The following CRACD variants were observed in gnomAD, a reference collection of about 807,000 sequenced individuals.
CRACD encodes capping protein inhibiting regulator of actin dynamics.
A neutral mutation model predicts 106.8 loss-of-function variants in CRACD; 56 were observed. The observed-to-expected ratio is 0.52, with a 90% confidence interval of 0.42 to 0.66. The LOEUF (loss-of-function observed/expected upper bound fraction) is 0.66. Among genes scored for constraint, CRACD ranks in the 30% least tolerant of loss-of-function variants. The pLI, the probability that CRACD is intolerant of heterozygous loss-of-function variation, is 0.00. For synonymous variants in CRACD, 754 were observed against 670.8 expected, an observed-to-expected ratio of 1.12 and a Z score of -1.92; for missense variants, 1,730 against 1,623.2, an observed-to-expected ratio of 1.07 and a Z score of -1.13.
intron 1 of CRACD, among the ~76,000 whole-genome samples, chr4:56,153,642 T>A (rs1665719294): frequency 1.3e-5 from 2 of 152,214 alleles, no homozygotes; most frequent in African/African-American, 4.8e-5. Flanking sequence ...TAAAATTCTC[T>A]GCAATGCCTT....
intron 2 of CRACD, among the ~76,000 whole-genome samples, chr4:56,258,614 A>G (rs1466254713): frequency 6.6e-6 from 1 of 152,222 alleles, no homozygotes; most frequent in Non-Finnish European, 1.5e-5. Context: ...GGCACCACCC[A>G]AAAGCAATAA....
chr4:56,315,590 G>A lies in CRACD; in HGVS notation c.2088G>A (p.Glu696=). 2 of 1,614,160 alleles carry A rather than the reference G, an allele frequency of 1.2e-6. No individual in the cohort carries two copies. The highest frequency in any genetic ancestry group is 1.7e-6 in the Non-Finnish European group (2 of 1,180,030). The change falls in exon 8 of 11, where the codon GAG becomes GAA. Residue 696 remains glutamate (E), a synonymous_variant. Transcript: ENST00000682029. This position sits in a 1 kb window ranked among gnomAD's most constrained non-coding sequence, Gnocchi z 4.1. The stretch of plus-strand genomic sequence containing the variant: ...GGGACCAGTTGAGGCCCGGTGATGA[G>A]TCCACTCCCAGGGGCCGGTGTGATT... The part of the protein sequence containing the change: ...SERDQLRPGD[E]STPRGRCDSR...
At chr4:56,263,224 T>A (rs576995104) in intron 2 of CRACD, among the ~76,000 whole-genome samples, 19 of 152,202 alleles carry the variant, frequency 1.2e-4, no homozygotes, top group African/African-American at 4.6e-4. Context: ...CGGGGAGTGG[T>A]TAGGAGTTCT....
chr4:56,257,976 A>G (rs1006792115), intron 2 of CRACD, among the ~76,000 whole-genome samples: 2 of 151,838 alleles, frequency 1.3e-5, no homozygotes, highest in African/African-American at 4.8e-5. Context: ...AGGCTGAGGC[A>G]TGAGAATCGC....
chr4:56,300,118 C>G (rs573141271), intron 4 of CRACD, among the ~76,000 whole-genome samples: 2 of 151,938 alleles, frequency 1.3e-5, no homozygotes, highest in Admixed American at 6.6e-5. Flanking sequence ...AGCCTGGCGA[C>G]AGAGAGAGAT....
intron 1 of CRACD, among the ~76,000 whole-genome samples, chr4:56,060,388 G>C (rs1473619374): frequency 2.6e-5 from 4 of 152,090 alleles, no homozygotes; most frequent in African/African-American, 9.7e-5. Context: ...GTGAATACTC[G>C]TAACAGGGTA....
chr4:56,080,360 G>A (rs141594179), intron 1 of CRACD, among the ~76,000 whole-genome samples: 4 of 152,196 alleles, frequency 2.6e-5, no homozygotes, highest in East Asian at 3.9e-4. Context: ...TAAATTTGAT[G>A]TCCATAAACC....
chr4:56,257,749 A>T (rs1741454480), intron 2 of CRACD, among the ~76,000 whole-genome samples: 1 of 152,066 alleles, frequency 6.6e-6, no homozygotes, highest in African/African-American at 2.4e-5. Context: ...GGAGAGATTA[A>T]CTAAGAGTCT....
At chr4:56,096,940 A>G (rs1414166734) in intron 1 of CRACD, among the ~76,000 whole-genome samples, 1 of 152,206 alleles carries the variant, frequency 6.6e-6, no homozygotes, top group Non-Finnish European at 1.5e-5. Flanking sequence ...TTAAAGATGG[A>G]AAACAACATG....
At chr4:56,214,681 C>CTATATATATATATATATATA (rs545506498) in intron 2 of CRACD, among the ~76,000 whole-genome samples, 23 of 80,916 alleles carry the variant, frequency 2.8e-4, no homozygotes, top group Non-Finnish European at 3.9e-4. Context: ...CTCTCTCTCT[C>CTATATATATATATATATATA]TATATATATA....
At chr4:56,162,993 C>G (rs1736010508) in intron 1 of CRACD, among the ~76,000 whole-genome samples, 1 of 152,170 alleles carries the variant, frequency 6.6e-6, no homozygotes, top group African/African-American at 2.4e-5. Context: ...ATGGGCATGG[C>G]TGTCGTCAGT....
At chr4:56,172,283 C>T (rs1736401356) in intron 1 of CRACD, among the ~76,000 whole-genome samples, 1 of 152,120 alleles carries the variant, frequency 6.6e-6, no homozygotes, top group African/African-American at 2.4e-5. Context: ...CTGAAGCCAT[C>T]TTGATGGGAA....
At chr4:56,309,213 A>G in intron 5 of CRACD, 1 of 319,490 alleles carries the variant, frequency 3.1e-6, no homozygotes, top group South Asian at 2.7e-5. Context: ...GCCGGATTGT[A>G]TAGACCATGG....
intron 1 of CRACD, among the ~76,000 whole-genome samples, chr4:56,100,388 T>C (rs1733741325): frequency 6.6e-6 from 1 of 152,186 alleles, no homozygotes; most frequent in Non-Finnish European, 1.5e-5. Context: ...CCTTTGTTAA[T>C]TGCAAAAAAG....
intron 1 of CRACD, among the ~76,000 whole-genome samples, chr4:56,164,136 A>ATT (rs34769096): frequency 1.5e-4 from 21 of 141,342 alleles, no homozygotes; most frequent in Non-Finnish European, 2.0e-4. Flanking sequence ...ACAGGAGATA[A>ATT]TTTTTTTTTT....
At chr4:56,050,447 T>A (rs561018381) in intron 1 of CRACD, among the ~76,000 whole-genome samples, 6 of 152,296 alleles carry the variant, frequency 3.9e-5, no homozygotes, top group Non-Finnish European at 5.9e-5. Context: ...GTTAAATCAA[T>A]GTTTCCTTTA....
At position 56,314,907 on chromosome 4, in the gene CRACD, G is replaced by C. The variant is rs779093445; in HGVS notation, c.1405G>C (p.Gly469Arg). ...ERRREQQGRS[G>R]DFQGADRPGP... ...GCGAAGAGAGCAGCAGGGAAGGAGC[G>C]GGGATTTCCAGGGGGCCGATCGTCC... Residue 469 changes from glycine to arginine, a missense_variant, in exon 8 of 11, where the codon GGG becomes CGG. Coordinates refer to ENST00000682029, the MANE Select transcript of CRACD (RefSeq NM_001393381.1). This position sits in a 1 kb window ranked among gnomAD's most constrained non-coding sequence, Gnocchi z 4.4. 6.2e-7 allele frequency: 1 copy of C among 1,608,396 alleles called. No homozygotes were observed.
At chr4:56,175,730 C>T (rs1304943859) in intron 1 of CRACD, among the ~76,000 whole-genome samples, 1 of 152,136 alleles carries the variant, frequency 6.6e-6, no homozygotes, top group African/African-American at 2.4e-5. Context: ...TTCTCACATT[C>T]TGTTGGTTTT....
chr4:56,185,966 T>A (rs1737078405), intron 2 of CRACD, among the ~76,000 whole-genome samples: 1 of 152,222 alleles, frequency 6.6e-6, no homozygotes, highest in South Asian at 2.1e-4. Context: ...CTTTACACTG[T>A]CATCTCTTGG....
Sources: allele counts gnomAD v4.1 joint callset (sites outside exome capture counted in the v4.1 genomes callset), GRCh38; gene constraint gnomAD v4.1.1; non-coding constraint Gnocchi (gnomAD v3.1); transcripts MANE v1.5; gene names NCBI Gene and HGNC (gene_info 2026-07-23, HGNC 2026-07-21).